Variants in CCDC102B observed in about 807,000 individuals in gnomAD.
CCDC102B encodes the protein coiled-coil domain containing 102B, also known as coiled-coil domain-containing protein 102B.
A neutral mutation model predicts 57.4 loss-of-function variants in CCDC102B; 75 were observed. The ratio of observed to expected loss-of-function variants is 1.31; its 90% CI spans 1.08 to 1.58. The LOEUF (loss-of-function observed/expected upper bound fraction) is 1.58. Ranked by LOEUF, CCDC102B falls within the 40% of genes most tolerant of loss-of-function variation. CCDC102B has a pLI of 0.00. For missense variants in CCDC102B, 636 were observed against 582.6 expected, an observed-to-expected ratio of 1.09 and a Z score of -0.94; for synonymous variants, 206 against 201.9, an observed-to-expected ratio of 1.02 and a Z score of -0.17.
intron 5 of CCDC102B, among the ~76,000 whole-genome samples, chr18:68,878,654 A>C (rs866750518): frequency 4.6e-5 from 7 of 152,296 alleles, no homozygotes; most frequent in Middle Eastern, 3.4e-3. Context: ...GGTCCGCACC[A>C]GGTACAAAAT....
In CCDC102B at chr18:68,884,762, T is replaced by C. The variant is rs146896112; in HGVS notation, c.1053+9977T>C. ...TAATATATTTATATATATTTATATATGTATAATGAATCAGTCTGGAGATCT... is the reference window on the plus strand; with the variant it reads ...TAATATATTTATATATATTTATATACGTATAATGAATCAGTCTGGAGATCT... On this transcript the variant is annotated intron_variant, in intron 5 of 7. Coordinates refer to ENST00000360242, the MANE Select transcript of CCDC102B (RefSeq NM_024781.3). 4.2e-3 allele frequency among the ~76,000 whole-genome samples: 633 copies of C among 149,260 alleles called. 3 individuals are homozygous for C. The highest frequency in any genetic ancestry group is 8.2e-3 in the Non-Finnish European group (551 of 67,440).
In CCDC102B at chr18:69,031,203, T is replaced by C. The variant is rs115094780; in HGVS notation, c.1434+20099T>C. Reference sequence around the variant, plus strand: ...GATATTTATATTGTAGAAGAAATCATTTCATCGTGTTATATATTATTCTTC... The same window carrying C: ...GATATTTATATTGTAGAAGAAATCACTTCATCGTGTTATATATTATTCTTC... On this transcript the variant is annotated intron_variant, in intron 7 of 7. Coordinates refer to ENST00000360242, the MANE Select transcript of CCDC102B (RefSeq NM_024781.3). 2.3e-3 allele frequency among the ~76,000 whole-genome samples: 350 copies of C among 152,310 alleles called. 2 individuals are homozygous for C. The highest frequency in any genetic ancestry group is 7.9e-3 in the African/African-American group (328 of 41,578).
intron 3 of CCDC102B, among the ~76,000 whole-genome samples, chr18:68,843,362 G>A (rs935473633): frequency 3.9e-5 from 6 of 151,990 alleles, no homozygotes; most frequent in African/African-American, 1.4e-4. Flanking sequence ...TTTTTCCAGT[G>A]AAATTTCACA....
chr18:69,033,076 G>T (rs1157931604), intron 7 of CCDC102B, among the ~76,000 whole-genome samples: 1 of 151,968 alleles, frequency 6.6e-6, no homozygotes, highest in African/African-American at 2.4e-5. Context: ...TTATCATATA[G>T]AGATAAAGCA....
intron 2 of CCDC102B, among the ~76,000 whole-genome samples, chr18:68,778,242 G>T (rs2034890174): frequency 6.6e-6 from 1 of 152,124 alleles, no homozygotes; most frequent in Admixed American, 6.5e-5. Flanking sequence ...CTCTTTGCCA[G>T]AAAAGGAACT....
chr18:68,997,412 C>T (rs2051059647), intron 6 of CCDC102B, among the ~76,000 whole-genome samples: 1 of 152,122 alleles, frequency 6.6e-6, no homozygotes, highest in African/African-American at 2.4e-5. Flanking sequence ...TTCCCAGCCG[C>T]CCTTTATTTA....
At chr18:68,742,202 G>C (rs1194929166) in intron 2 of CCDC102B, among the ~76,000 whole-genome samples, 1 of 152,256 alleles carries the variant, frequency 6.6e-6, no homozygotes, top group South Asian at 2.1e-4. Flanking sequence ...TTAGCTTCTG[G>C]TGATGGCTGG....
intron 7 of CCDC102B, among the ~76,000 whole-genome samples, chr18:69,023,325 A>G (rs2051899130): frequency 1.3e-5 from 2 of 152,164 alleles, no homozygotes; most frequent in Non-Finnish European, 2.9e-5. Flanking sequence ...ACATTTAAGA[A>G]TGTAAGTAAA....
At chr18:68,972,859 T>G (rs1048559880) in intron 6 of CCDC102B, among the ~76,000 whole-genome samples, 15 of 152,164 alleles carry the variant, frequency 9.9e-5, no homozygotes, top group African/African-American at 3.6e-4. Context: ...TCAAAAATGT[T>G]TTATCTTTGT....
intron 2 of CCDC102B, among the ~76,000 whole-genome samples, chr18:68,763,764 GA>G (rs2034332662): frequency 7.1e-6 from 1 of 141,526 alleles, no homozygotes; most frequent in Non-Finnish European, 1.5e-5. Flanking sequence ...CCTCAATACA[GA>G]CAAATATTCC....
chr18:68,794,265 T>C (rs1051871130), upstream of CCDC102B, among the ~76,000 whole-genome samples: 1 of 152,038 alleles, frequency 6.6e-6, no homozygotes, highest in African/African-American at 2.4e-5. Context: ...CTTCCCCATC[T>C]CCAGCCTCCT....
chr18:68,922,887 T>C (rs2041334633), intron 6 of CCDC102B, among the ~76,000 whole-genome samples: 1 of 152,094 alleles, frequency 6.6e-6, no homozygotes, highest in Non-Finnish European at 1.5e-5. Context: ...ACTATAATCT[T>C]GGGTATAAAT....
At chr18:68,905,845 G>A (rs571981388) in intron 6 of CCDC102B, among the ~76,000 whole-genome samples, 1 of 133,892 alleles carries the variant, frequency 7.5e-6, no homozygotes, top group South Asian at 2.6e-4. Flanking sequence ...CCAGGCTGGA[G>A]TACAGTGGTG....
chr18:68,939,499 T>C (rs1218107211), intron 6 of CCDC102B, among the ~76,000 whole-genome samples: 1 of 151,770 alleles, frequency 6.6e-6, no homozygotes, highest in African/African-American at 2.4e-5. Context: ...AAGTCAAGTG[T>C]TATTTATAAA....
At chr18:68,872,229 G>A (rs985648843) in intron 4 of CCDC102B, among the ~76,000 whole-genome samples, 5 of 152,122 alleles carry the variant, frequency 3.3e-5, no homozygotes, top group Non-Finnish European at 5.9e-5. Flanking sequence ...AGTTGGACAT[G>A]TGCATTCAAA....
chr18:69,006,585 CTTTTTTTTTTTT>C (rs200615759), intron 6 of CCDC102B, among the ~76,000 whole-genome samples: 3 of 134,268 alleles, frequency 2.2e-5, no homozygotes, highest in African/African-American at 9.4e-5. Flanking sequence ...CCACACAGGG[CTTTTTTTTTTTT>C]TTTTTTTTTT....
intron 6 of CCDC102B, among the ~76,000 whole-genome samples, chr18:68,967,221 A>G (rs143373725): frequency 3.5e-3 from 532 of 152,238 alleles, no homozygotes; most frequent in Non-Finnish European, 6.1e-3. Flanking sequence ...CGAAGCATAT[A>G]GAGACTCTCT....
At chr18:68,767,321 C>T (rs929380643) in intron 2 of CCDC102B, among the ~76,000 whole-genome samples, 3 of 152,138 alleles carry the variant, frequency 2.0e-5, no homozygotes, top group African/African-American at 2.4e-5. Context: ...GCTCCTATAA[C>T]GAGGTTAGTG....
chr18:69,007,373 G>A (rs1026733842), intron 6 of CCDC102B, among the ~76,000 whole-genome samples: 1 of 152,146 alleles, frequency 6.6e-6, no homozygotes. Context: ...TCAGATTGTT[G>A]TTGTCACTCA....
Sources: gnomAD v4.1 joint callset for allele counts (sites outside exome capture counted in the v4.1 genomes callset) on GRCh38, gnomAD v4.1.1 for gene constraint, MANE v1.5 for transcripts, NCBI Gene and HGNC (gene_info 2026-07-23, HGNC 2026-07-21) for gene names.